SP4: variants seen among roughly 807,000 people sequenced by gnomAD.
SP4 encodes Sp4 transcription factor.
SP4 carries 19 observed loss-of-function variants against 72.8 expected under a neutral mutation model. The ratio of observed to expected loss-of-function variants is 0.26; its 90% CI spans 0.18 to 0.38. The LOEUF is 0.38. Ranked by LOEUF, SP4 falls within the 10% of genes least tolerant of loss-of-function variation. The pLI is 1.00. For missense variants in SP4, 1,008 were observed against 926.3 expected, an observed-to-expected ratio of 1.09 and a Z score of -1.14; for synonymous variants, 395 against 333.1, an observed-to-expected ratio of 1.19 and a Z score of -2.02.
At chr7:21,467,902 A>G (rs1404320078) in intron 3 of SP4, among the ~76,000 whole-genome samples, 2 of 152,178 alleles carry the variant, frequency 1.3e-5, no homozygotes, top group African/African-American at 4.8e-5. Context: ...AAACATAATT[A>G]AGAAACACAT....
At chr7:21,433,900 G>A (rs1015107102) in intron 3 of SP4, among the ~76,000 whole-genome samples, 1 of 151,768 alleles carries the variant, frequency 6.6e-6, no homozygotes, top group Non-Finnish European at 1.5e-5. Flanking sequence ...CCGAGATCGC[G>A]CCATTGCACT....
rs572046764 is a variant in SP4, at chr7:21,481,334, A to C, written c.1908-590A>C. 5.3e-5 allele frequency among the ~76,000 whole-genome samples: 8 copies of C among 152,324 alleles called. 1 individual carries two copies. The South Asian group carries it at 1.7e-3, about 32-fold the overall frequency. ...ACCAGTCTCTAATGTTCCTGTGTGG[A>C]AACGGGAGGAAGTAGGGAAGGGGAG... On this transcript the variant is annotated intron_variant, in intron 4 of 5. Transcript: ENST00000222584.
intron 5 of SP4, among the ~76,000 whole-genome samples, chr7:21,497,271 T>C (rs1439436485): frequency 6.6e-6 from 1 of 152,100 alleles, no homozygotes; most frequent in Admixed American, 6.5e-5. Context: ...GAGCCTCAGC[T>C]GTGTTCCACC....
chr7:21,451,958 A>G (rs543391658), intron 3 of SP4, among the ~76,000 whole-genome samples: 3 of 152,336 alleles, frequency 2.0e-5, no homozygotes, highest in East Asian at 3.9e-4. Flanking sequence ...TTGCTAACCA[A>G]TTCCGATACA....
In SP4 at chr7:21,512,109, C is replaced by T. The variant is rs1782162466; in HGVS notation, c.*840C>T. ...ATATTCCTAACCCTAGGTTGAACCA[C>T]AAAATTTCATTTAAAATGTTTATAT... On this transcript the variant is annotated 3_prime_UTR_variant, in exon 6 of 6. Transcript: ENST00000222584. 6.6e-6 allele frequency: 1 copy of T among 152,514 alleles called. No homozygotes were observed. The highest frequency in any genetic ancestry group is 2.4e-5 in the African/African-American group (1 of 41,412). The allele number at this position is 152,514 out of a possible 1,614,324, so 9.4% of individuals were successfully genotyped here. A position where few individuals can be genotyped will look rare whatever the true frequency, so the allele number is the denominator to read the frequency against.
intron 5 of SP4, among the ~76,000 whole-genome samples, chr7:21,505,318 T>C (rs1321289231): frequency 1.3e-5 from 2 of 152,208 alleles, no homozygotes; most frequent in East Asian, 3.9e-4. Context: ...AGTTTGTTCT[T>C]AGATACTCGC....
intron 3 of SP4, among the ~76,000 whole-genome samples, chr7:21,448,957 T>A (rs1384029322): frequency 1.3e-5 from 2 of 152,216 alleles, no homozygotes; most frequent in South Asian, 2.1e-4. Context: ...TGAGGTCTGC[T>A]GACTTTGGAA....
chr7:21,452,785 T>TA (rs1270732347), intron 3 of SP4, among the ~76,000 whole-genome samples: 1 of 130,154 alleles, frequency 7.7e-6, no homozygotes, highest in African/African-American at 3.5e-5. Flanking sequence ...TACTCATTAT[T>TA]TTTTTTTTTT....
In SP4 at chr7:21,430,289, C is replaced by G. The variant is rs777937700; in HGVS notation, c.1124C>G (p.Ser375Cys). 1.2e-6 allele frequency: 2 copies of G among 1,614,096 alleles called. No individual in the cohort carries two copies. The highest frequency in any genetic ancestry group is 1.7e-6 in the Non-Finnish European group (2 of 1,180,052). The change falls in exon 3 of 6, where the codon TCC (serine) becomes TGC (cysteine). Residue 375 changes from serine (S) to cysteine (C), a missense_variant. Coordinates refer to ENST00000222584, the MANE Select transcript of SP4 (RefSeq NM_003112.5). Reference sequence around the variant, plus strand: ...GCTACTGAGTCTGAAGCCCAGAGCTCCAGTCAGCTTCAGCCTAATGGAATG... The same window carrying G: ...GCTACTGAGTCTGAAGCCCAGAGCTGCAGTCAGCTTCAGCCTAATGGAATG... ...PAATESEAQSSSQLQPNGMQN... is the reference protein window; with the variant it reads ...PAATESEAQSCSQLQPNGMQN...
At chr7:21,451,869 T>C (rs1043806832) in intron 3 of SP4, among the ~76,000 whole-genome samples, 1 of 152,194 alleles carries the variant, frequency 6.6e-6, no homozygotes, top group African/African-American at 2.4e-5. Flanking sequence ...CTGAGAATTC[T>C]GAGACTCCCA....
chr7:21,486,108 T>C (rs11972446), intron 5 of SP4, among the ~76,000 whole-genome samples: 1,805 of 152,126 alleles, frequency 0.012, 41 homozygotes, highest in African/African-American at 0.041. Context: ...AATTACATTC[T>C]CTTAAAACAT....
intron 4 of SP4, among the ~76,000 whole-genome samples, chr7:21,477,829 C>G (rs1055142889): frequency 6.6e-6 from 1 of 152,148 alleles, no homozygotes; most frequent in Non-Finnish European, 1.5e-5. Flanking sequence ...TGTGAGCCCC[C>G]TCGCCCAGCC....
In SP4 at chr7:21,429,533, G is replaced by A. The variant is rs1293084834; in HGVS notation, c.368G>A (p.Ser123Asn). Residue 123 changes from serine to asparagine, a missense_variant, in exon 3 of 6, where the codon AGT becomes AAT. Physicochemically the swap from Ser to Asn is conservative, Grantham distance 46. This residue lies in a region of SP4 where 893 missense variants were observed against 743.3 expected (regional missense o/e 1.20). Coordinates refer to ENST00000222584, the MANE Select transcript of SP4 (RefSeq NM_003112.5). ...AATAACGTTTCTCAACCAGCCTCTA[G>A]TTCGTCTAGTTCTTCCAGCAGTAAT... ...KENNVSQPAS[S>N]SSSSSSSNNG... 2 of 1,614,008 alleles carry A rather than the reference G, an allele frequency of 1.2e-6. No individual in the cohort carries two copies. The highest frequency in any genetic ancestry group is 2.7e-5 in the African/African-American group (2 of 74,924).
intron 3 of SP4, among the ~76,000 whole-genome samples, chr7:21,437,966 A>G (rs1175764827): frequency 2.0e-5 from 3 of 152,022 alleles, no homozygotes; most frequent in African/African-American, 7.2e-5. Flanking sequence ...TTAAAAGAAA[A>G]CAAGAAATTG....
intron 3 of SP4, among the ~76,000 whole-genome samples, chr7:21,436,614 A>G (rs534326488): frequency 4.9e-4 from 74 of 152,318 alleles, no homozygotes; most frequent in African/African-American, 1.7e-3. Context: ...AACCTGGCCT[A>G]ATATCAGAGT....
intron 3 of SP4, among the ~76,000 whole-genome samples, chr7:21,450,135 G>A (rs1783544941): frequency 6.6e-6 from 1 of 151,432 alleles, no homozygotes; most frequent in Admixed American, 6.6e-5. Context: ...TTTGGCTTTT[G>A]CTGTTAGATT....
At chr7:21,429,264 T>G in intron 2 of SP4, 25 bp from the exon 3 acceptor site, 11 of 1,075,950 alleles carry the variant, frequency 1.0e-5, no homozygotes, top group African/African-American at 1.8e-5. Flanking sequence ...CCCCCCCCTC[T>G]CCTTTACCGT....
intron 3 of SP4, among the ~76,000 whole-genome samples, chr7:21,445,680 C>G (rs1456270244): frequency 6.6e-6 from 1 of 151,946 alleles, no homozygotes; most frequent in Non-Finnish European, 1.5e-5. Flanking sequence ...AATAATTTGC[C>G]TAAGGTTACA....
intron 5 of SP4, among the ~76,000 whole-genome samples, chr7:21,497,263 G>C (rs1562626180): frequency 6.6e-6 from 1 of 152,232 alleles, no homozygotes; most frequent in Admixed American, 6.5e-5. Context: ...CTTTGAAAGA[G>C]CCTCAGCTGT....
Sources: gnomAD v4.1 joint callset for allele counts (sites outside exome capture counted in the v4.1 genomes callset) on GRCh38, gnomAD v4.1.1 for gene constraint, gnomAD v4.1.1 regional missense constraint, MANE v1.5 for transcripts, NCBI Gene and HGNC (gene_info 2026-07-23, HGNC 2026-07-21) for gene names.